Variants in SEMA4A observed in about 807,000 individuals in gnomAD.
SEMA4A encodes the protein semaphorin 4A.
A neutral mutation model predicts 72.5 loss-of-function variants in SEMA4A; 52 were observed. That is an observed-to-expected ratio of 0.72 (90% CI 0.57 to 0.90). The LOEUF is 0.90. SEMA4A is among the 40% of genes least tolerant of loss of function. SEMA4A has a pLI of 0.00. For synonymous variants in SEMA4A, 369 were observed against 393.1 expected, an observed-to-expected ratio of 0.94 and a Z score of 0.73; for missense variants, 926 against 959.7, an observed-to-expected ratio of 0.96 and a Z score of 0.46.
Position 156,156,342 on chromosome 1 carries a change from C to G in SEMA4A, c.140-72C>G, listed in dbSNP as rs1653024616. 4 of 1,472,092 alleles carry G rather than the reference C, an allele frequency of 2.7e-6. No homozygotes were observed. The African/African-American group carries it at 4.2e-5, about 15-fold the overall frequency. 91.2% of individuals were successfully genotyped at this position (1,472,092 alleles called of 1,614,324 possible). ...ACTCAGGCAACCCTTCCCCTTCCCC[C>G]ACTTTTATCTCAGGAGTCAGCTGCC... On this transcript the variant is annotated intron_variant, in intron 2 of 14. Coordinates refer to ENST00000368285, the MANE Select transcript of SEMA4A (RefSeq NM_022367.4).
At chr1:156,160,293 G>A in intron 6 of SEMA4A, 150 bp from the exon 7 acceptor site, 1 of 699,180 alleles carries the variant, frequency 1.4e-6, no homozygotes, top group East Asian at 2.6e-5. Flanking sequence ...AGGAGGGGGA[G>A]CTGGCCTTTG....
Position 156,156,431 on chromosome 1 carries a change from C to T in SEMA4A, c.157C>T (p.Leu53Phe), listed in dbSNP as rs1257310907. ...TCCAACAGGGGATGAACGTAGGGCA[C>T]TTAGCTTCTTCCACCAGAAGGGCCT... ...RYYAGDERRA[L>F]SFFHQKGLQD... Residue 53 changes from leucine to phenylalanine, a missense_variant, in exon 3 of 15, where the codon CTT becomes TTT. Physicochemically the swap from Leu to Phe is conservative, Grantham distance 22. Coordinates refer to ENST00000368285, the MANE Select transcript of SEMA4A (RefSeq NM_022367.4). 1 of 1,614,034 alleles carries T rather than the reference C, an allele frequency of 6.2e-7. No homozygotes were observed. The highest frequency in any genetic ancestry group is 1.3e-5 in the African/African-American group (1 of 74,928).
upstream of SEMA4A, chr1:156,153,451 GGAGA>G (rs1652713082): frequency 6.6e-6 from 1 of 152,234 alleles, no homozygotes; most frequent in South Asian, 2.1e-4. Context: ...AGCAGAGGAG[GGAGA>G]GAGAGGTGTG....
chr1:156,173,583 T>G (rs560514133), intron 11 of SEMA4A, among the ~76,000 whole-genome samples: 1 of 151,728 alleles, frequency 6.6e-6, no homozygotes, highest in South Asian at 2.1e-4. Flanking sequence ...CCAGGACACA[T>G]GTCGAGCTGG....
chr1:156,177,052 G>C lies in SEMA4A; in HGVS notation c.*55G>C. Reference sequence around the variant, plus strand: ...AGGCACCTGGCCATGCTGGCTGGGCGGCCCAAGCACAGCCCTGACTAGGAT... The same window carrying C: ...AGGCACCTGGCCATGCTGGCTGGGCCGCCCAAGCACAGCCCTGACTAGGAT... On this transcript the variant is annotated 3_prime_UTR_variant, in exon 15 of 15. Coordinates refer to ENST00000368285, the MANE Select transcript of SEMA4A (RefSeq NM_022367.4). 6.6e-7 allele frequency: 1 copy of C among 1,510,582 alleles called. No individual in the cohort carries two copies. Among genetic ancestry groups the C allele is most frequent in the Non-Finnish European group, 9.1e-7 (1 of 1,100,878 alleles). The allele number at this position is 1,510,582 out of a possible 1,614,324, so 93.6% of individuals were successfully genotyped here. A position where few individuals can be genotyped will look rare whatever the true frequency, so the allele number is the denominator to read the frequency against.
intron 10 of SEMA4A, among the ~76,000 whole-genome samples, chr1:156,163,720 CAAAAAAAA>C (rs34408918): frequency 4.5e-4 from 8 of 17,754 alleles, no homozygotes; most frequent in African/African-American, 1.6e-3. Context: ...GACTCAGTCT[CAAAAAAAA>C]AAAAAAAAAA....
intron 10 of SEMA4A, among the ~76,000 whole-genome samples, chr1:156,166,694 T>C (rs917496891): frequency 1.3e-5 from 2 of 152,024 alleles, no homozygotes; most frequent in South Asian, 2.1e-4. Context: ...TTTGGGAGGC[T>C]GAGACAGGTG....
chr1:156,175,478 G>A (rs952922968), intron 13 of SEMA4A, 78 bp from the exon 14 acceptor site: 6 of 1,250,010 alleles, frequency 4.8e-6, no homozygotes, highest in Non-Finnish European at 6.9e-6. Flanking sequence ...CTTCCCTACT[G>A]CACTTCCTCC....
intron 2 of SEMA4A, 27 bp downstream of exon 2, chr1:156,154,744 G>A (rs1484881811): frequency 1.3e-6 from 2 of 1,568,956 alleles, no homozygotes; most frequent in South Asian, 2.3e-5. Context: ...AGGAAGTGTG[G>A]GGATAGCAAT....
chr1:156,174,725 C>G, intron 11 of SEMA4A, 97 bp from the exon 12 acceptor site: 1 of 1,501,072 alleles, frequency 6.7e-7, no homozygotes. Flanking sequence ...ATATCACCCT[C>G]AGAAGGAGCT....
intron 10 of SEMA4A, among the ~76,000 whole-genome samples, chr1:156,167,306 T>C (rs1654254088): frequency 6.6e-6 from 1 of 151,290 alleles, no homozygotes; most frequent in Non-Finnish European, 1.5e-5. Context: ...CTGGGCAATA[T>C]AGTAAGACCC....
intron 10 of SEMA4A, 73 bp downstream of exon 10, chr1:156,163,167 T>TTTACTATGCCATG: frequency 1.9e-6 from 3 of 1,547,120 alleles, no homozygotes; most frequent in Non-Finnish European, 1.8e-6. Context: ...TATCATGGCA[T>TTTACTATGCCATG]AGTAAATGCC....
At chr1:156,161,260 C>A (rs2102959321) in intron 8 of SEMA4A, 86 bp from the exon 9 acceptor site, 1 of 606,066 alleles carries the variant, frequency 1.6e-6, no homozygotes, top group South Asian at 2.1e-5. Context: ...TGGGGGGACA[C>A]GCCGAGCTGC....
At chr1:156,159,656 CTCAGCACTTT>C (rs1653391949) in intron 6 of SEMA4A, among the ~76,000 whole-genome samples, 1 of 151,922 alleles carries the variant, frequency 6.6e-6, no homozygotes, top group Non-Finnish European at 1.5e-5. Context: ...CACCTGAAAT[CTCAGCACTTT>C]AGGAGGCTGA....
chr1:156,160,534 C>G lies in SEMA4A; in HGVS notation c.660C>G (p.Thr220=). The G allele has an allele frequency of 1.9e-6, 3 of 1,614,122 alleles. No homozygotes were observed. The highest frequency in any genetic ancestry group is 2.5e-6 in the Non-Finnish European group (3 of 1,179,978). ...TGGGATCCCAGCCTGTCCTCAAGAC[C>G]GACAACTTCCTCCGCTGGCTGCATC... ...RTLGSQPVLK[T]DNFLRWLHHD... The change falls in exon 7 of 15, where the codon ACC becomes ACG. Residue 220 remains threonine, a synonymous_variant. Coordinates refer to ENST00000368285, the MANE Select transcript of SEMA4A (RefSeq NM_022367.4).
chr1:156,152,723 G>A (rs1349808666), upstream of SEMA4A, among the ~76,000 whole-genome samples: 2 of 152,200 alleles, frequency 1.3e-5, no homozygotes, highest in Non-Finnish European at 2.9e-5. Context: ...ATGTTGGCTG[G>A]TGCTGTAGCA....
Position 156,176,854 on chromosome 1 carries a change from A to C in SEMA4A, c.2143A>C (p.Lys715Gln). 6.2e-7 allele frequency: 1 copy of C among 1,614,224 alleles called. No homozygotes were observed. The highest frequency in any genetic ancestry group is 8.5e-7 in the Non-Finnish European group (1 of 1,180,026). The part of the protein sequence containing the change: ...SPLRALRARG[K>Q]VQGCETLRPG... ...ATTGAGAGCACTCCGGGCTCGGGGC[A>C]AGGTTCAGGGCTGTGAGACCCTGCG... Residue 715 changes from lysine to glutamine, a missense_variant, in exon 15 of 15, where the codon AAG becomes CAG. Physicochemically the swap from Lys to Gln is moderately conservative, Grantham distance 53. Coordinates refer to ENST00000368285, the MANE Select transcript of SEMA4A (RefSeq NM_022367.4).
At position 156,154,607 on chromosome 1, in the gene SEMA4A, C is replaced by G; in HGVS notation, c.29C>G (p.Pro10Arg). Residue 10 changes from proline (P) to arginine (R), a missense_variant, in exon 2 of 15, where the codon CCC becomes CGC. Transcript: ENST00000368285. ...GCCCTCCCAGCCCTGGGCCTGGACCCCTGGAGCCTCCTGGGCCTTTTCCTC... is the reference window on the plus strand; with the variant it reads ...GCCCTCCCAGCCCTGGGCCTGGACCGCTGGAGCCTCCTGGGCCTTTTCCTC... MALPALGLD[P>R]WSLLGLFLFQ... 6.2e-7 allele frequency: 1 copy of G among 1,610,684 alleles called. No individual in the cohort carries two copies. Among genetic ancestry groups the G allele is most frequent in the Non-Finnish European group, 8.5e-7 (1 of 1,179,182 alleles).
chr1:156,167,475 C>CAAAAA (rs58793729), intron 10 of SEMA4A, among the ~76,000 whole-genome samples: 8 of 103,590 alleles, frequency 7.7e-5, no homozygotes, highest in South Asian at 6.3e-4. Flanking sequence ...GACCCTGTCT[C>CAAAAA]AAAAAAAAAA....
Sources: allele counts gnomAD v4.1 joint callset (sites outside exome capture counted in the v4.1 genomes callset), GRCh38; gene constraint gnomAD v4.1.1; transcripts MANE v1.5; gene names NCBI Gene and HGNC (gene_info 2026-07-23, HGNC 2026-07-21).